Variants in MARK2 observed in about 807,000 individuals in gnomAD.
MARK2 encodes microtubule affinity regulating kinase 2, also known as serine/threonine-protein kinase MARK2.
MARK2 carries 16 observed loss-of-function variants against 89.8 expected under a neutral mutation model. That is an observed-to-expected ratio of 0.18 (90% CI 0.12 to 0.27). MARK2 has a LOEUF of 0.27. Among genes scored for constraint, MARK2 ranks in the 10% least tolerant of loss-of-function variants. The pLI, the probability that MARK2 is intolerant of heterozygous loss-of-function variation, is 1.00. For synonymous variants in MARK2, 382 were observed against 399.5 expected (o/e 0.96, Z 0.52); for missense variants, 621 against 1,049.9 (o/e 0.59, Z 5.65).
intron 11 of MARK2, among the ~76,000 whole-genome samples, chr11:63,901,441 G>C (rs1199403493): frequency 7.0e-6 from 1 of 143,414 alleles, no homozygotes; most frequent in Non-Finnish European, 1.5e-5. Flanking sequence ...GTGTGTCTCT[G>C]TGTGTGTCTG....
intron 17 of MARK2, among the ~76,000 whole-genome samples, chr11:63,907,891 G>A (rs1359924444): frequency 6.6e-6 from 1 of 152,236 alleles, no homozygotes; most frequent in Non-Finnish European, 1.5e-5. Flanking sequence ...CCAGAACAGC[G>A]CGTGAGCCCT....
intron 1 of MARK2, among the ~76,000 whole-genome samples, chr11:63,847,166 A>C (rs1210693403): frequency 1.3e-5 from 2 of 152,232 alleles, no homozygotes; most frequent in Non-Finnish European, 1.5e-5. Context: ...TTCTTTCCGC[A>C]GATGTCTGTC....
chr11:63,898,928 A>G, intron 6 of MARK2, 95 bp downstream of exon 6: 1 of 1,293,574 alleles, frequency 7.7e-7, no homozygotes, highest in Admixed American at 1.7e-5. Flanking sequence ...TGGCCCTTGG[A>G]GGGTACTTTG....
intron 1 of MARK2, among the ~76,000 whole-genome samples, chr11:63,845,530 G>A (rs1270007989): frequency 6.6e-6 from 1 of 152,120 alleles, no homozygotes; most frequent in African/African-American, 2.4e-5. Context: ...CTGAAGTGTT[G>A]TCTATGCATT....
chr11:63,875,349 GA>G (rs1252565442), intron 1 of MARK2, among the ~76,000 whole-genome samples: 1 of 151,842 alleles, frequency 6.6e-6, no homozygotes, highest in Non-Finnish European at 1.5e-5. Context: ...TGAAACTCCT[GA>G]CCTCGTGATC....
rs1473524271 is a variant in MARK2 at position 63,903,344 on chromosome 11, C to T, written c.1514+186C>T. The T allele has an allele frequency of 2.5e-5, 15 of 593,280 alleles. No individual in the cohort carries two copies. The East Asian group carries it at 4.3e-4, about 17-fold the overall frequency. The allele number at this position is 593,280 out of a possible 1,614,324, so 36.8% of individuals were successfully genotyped here. On this transcript the variant is annotated intron_variant, in intron 14 of 18. Coordinates refer to ENST00000402010, the MANE Select transcript of MARK2 (RefSeq NM_001039469.3). The surrounding 1 kb of genome is among the most constrained non-coding windows in gnomAD (Gnocchi z 5.1). Reference sequence around the variant, plus strand: ...CACGCCATTGCCTCCTCCCCATCTTCCTCTGACTGCTACTTGCAGTTTGCC... The same window carrying T: ...CACGCCATTGCCTCCTCCCCATCTTTCTCTGACTGCTACTTGCAGTTTGCC...
At chr11:63,860,386 T>C (rs990668700) in intron 1 of MARK2, among the ~76,000 whole-genome samples, 2 of 149,898 alleles carry the variant, frequency 1.3e-5, no homozygotes, top group African/African-American at 4.9e-5. Context: ...ACCCCGTCTC[T>C]ACTAAAAATA....
intron 1 of MARK2, among the ~76,000 whole-genome samples, chr11:63,853,481 A>G (rs2016677708): frequency 6.6e-6 from 1 of 152,250 alleles, no homozygotes; most frequent in Non-Finnish European, 1.5e-5. Context: ...CAAATGAGCA[A>G]ATCTATAGAT....
rs747071482 is a variant in MARK2, at chr11:63,903,955, C to CA, written c.1515-30dup. 3.2e-6 allele frequency: 5 copies of CA among 1,579,646 alleles called. No homozygotes were observed. In the African/African-American group the frequency reaches 6.8e-5, roughly 21 times the overall value. On this transcript the variant is annotated intron_variant, in intron 14 of 18. Transcript: ENST00000402010. The surrounding 1 kb of genome is among the most constrained non-coding windows in gnomAD (Gnocchi z 5.1). ...GCCTCCCGCCCTCACTCACCCCTAACACGGGCCTCTCCGCTGCTTTTGTTT... is the reference window on the plus strand; with the variant it reads ...GCCTCCCGCCCTCACTCACCCCTAACAACGGGCCTCTCCGCTGCTTTTGTTT...
At chr11:63,860,875 A>G (rs902277589) in intron 1 of MARK2, among the ~76,000 whole-genome samples, 1 of 152,054 alleles carries the variant, frequency 6.6e-6, no homozygotes, top group Admixed American at 6.5e-5. Flanking sequence ...AAAAAAAACA[A>G]AAACAAAAAC....
chr11:63,848,816 C>T (rs1208552451), intron 1 of MARK2, among the ~76,000 whole-genome samples: 1 of 151,604 alleles, frequency 6.6e-6, no homozygotes, highest in Non-Finnish European at 1.5e-5. Flanking sequence ...CCACCTCGGC[C>T]TCCCAAAGTG....
chr11:63,840,607 C>G (rs554131384), intron 1 of MARK2, among the ~76,000 whole-genome samples: 6 of 152,292 alleles, frequency 3.9e-5, no homozygotes, highest in Admixed American at 2.6e-4. Flanking sequence ...AGAGTATTTT[C>G]TTTCTTGCTT....
chr11:63,888,501 G>T (rs1193222227), intron 1 of MARK2: 1 of 1,006,954 alleles, frequency 9.9e-7, no homozygotes, highest in Non-Finnish European at 1.2e-6. Context: ...GGGGGAGGGG[G>T]AGGGGAGAAG....
At chr11:63,868,749 T>G (rs760540037) in intron 1 of MARK2, 3 of 455,898 alleles carry the variant, frequency 6.6e-6, no homozygotes, top group South Asian at 4.6e-5. Flanking sequence ...CTTGCCTCTT[T>G]TTTGATGGGT....
chr11:63,873,484 G>C (rs1267345764), intron 1 of MARK2, among the ~76,000 whole-genome samples: 3 of 152,046 alleles, frequency 2.0e-5, no homozygotes, highest in Non-Finnish European at 4.4e-5. Context: ...TTCCCCCTTT[G>C]GCTGGCTAGG....
In MARK2 at chr11:63,908,981, C is replaced by T; in HGVS notation, c.2111C>T (p.Ser704Phe). ...RFTWSMKTTS[S>F]MEPNEMMREI... ...ACGTGGAGTATGAAGACCACGAGCT[C>T]CATGGAGCCCAACGAGATGATGCGG... Residue 704 changes from serine to phenylalanine, a missense_variant, in exon 19 of 19, where the codon TCC becomes TTC. Transcript: ENST00000402010. 6.4e-7 allele frequency: 1 copy of T among 1,574,100 alleles called. No individual in the cohort carries two copies. The highest frequency in any genetic ancestry group is 8.7e-7 in the Non-Finnish European group (1 of 1,150,426).
Position 63,902,586 on chromosome 11 carries a change from C to T in MARK2, c.1235-15C>T, listed in dbSNP as rs1940988885. 1 of 1,611,008 alleles carries T rather than the reference C, an allele frequency of 6.2e-7. No individual in the cohort carries two copies. Among genetic ancestry groups the T allele is most frequent in the African/African-American group, 1.3e-5 (1 of 74,882 alleles). ...CCCCTTGGCCTTACCCATTCCCATCCTCCCTCTGGCCCAGCAGCTGGTCCT... is the reference window on the plus strand; with the variant it reads ...CCCCTTGGCCTTACCCATTCCCATCTTCCCTCTGGCCCAGCAGCTGGTCCT... On this transcript the variant is annotated splice_polypyrimidine_tract_variant and intron_variant, in intron 12 of 18. Transcript: ENST00000402010. This position sits in a 1 kb window ranked among gnomAD's most constrained non-coding sequence, Gnocchi z 4.2.
At chr11:63,899,225 C>A in intron 7 of MARK2, 117 bp downstream of exon 7, 1 of 701,344 alleles carries the variant, frequency 1.4e-6, no homozygotes, top group Non-Finnish European at 2.5e-6. Flanking sequence ...AAACTCCAGC[C>A]TTTCTTTTTT....
At position 63,904,407 on chromosome 11, in the gene MARK2, C is replaced by T. The variant is rs1941155583; in HGVS notation, c.1676+260C>T. On this transcript the variant is annotated intron_variant, in intron 15 of 18. Transcript: ENST00000402010. The surrounding 1 kb of genome is among the most constrained non-coding windows in gnomAD (Gnocchi z 6.3). ...AAAGGGAAACCTTTTTGTTCTGAAC[C>T]TTCCAGGGTTTCCTTAGGGACCCCG... 1.3e-5 allele frequency among the ~76,000 whole-genome samples: 2 copies of T among 152,136 alleles called. No homozygotes were observed. The highest frequency in any genetic ancestry group is 2.9e-5 in the Non-Finnish European group (2 of 68,022).
Sources: gnomAD v4.1 joint callset for allele counts (sites outside exome capture counted in the v4.1 genomes callset) on GRCh38, gnomAD v4.1.1 for gene constraint, Gnocchi (gnomAD v3.1) non-coding constraint, MANE v1.5 for transcripts, NCBI Gene and HGNC (gene_info 2026-07-23, HGNC 2026-07-21) for gene names.